CLASP1: variants seen among roughly 807,000 people sequenced by gnomAD.
CLASP1 encodes cytoplasmic linker associated protein 1, also known as CLIP-associating protein 1.
CLASP1 carries 38 observed loss-of-function variants against 192.3 expected under a neutral mutation model. That is an observed-to-expected ratio of 0.20 (90% CI 0.15 to 0.26). The LOEUF (loss-of-function observed/expected upper bound fraction) is 0.26. Ranked by LOEUF, CLASP1 falls within the 10% of genes least tolerant of loss-of-function variation. The pLI is 1.00. For synonymous variants in CLASP1, 691 were observed against 712.8 expected, an observed-to-expected ratio of 0.97 and a Z score of 0.49; for missense variants, 1,433 against 1,932.5, an observed-to-expected ratio of 0.74 and a Z score of 4.85.
chr2:121,382,223 C>T (rs1268867723), exon 33 of CLASP1: 15 of 1,607,770 alleles, frequency 9.3e-6, no homozygotes, highest in Admixed American at 1.7e-5. Flanking sequence ...AGAGTAAGAG[C>T]GCCTGAGAGC....
intron 1 of CLASP1, among the ~76,000 whole-genome samples, chr2:121,620,059 T>C (rs1576520236): frequency 6.6e-6 from 1 of 151,782 alleles, no homozygotes; most frequent in Non-Finnish European, 1.5e-5. Flanking sequence ...CCATCTCTAC[T>C]AAAAATATGA....
At chr2:121,348,603 G>A in exon 38 of CLASP1, 1 of 1,613,928 alleles carries the variant, frequency 6.2e-7, no homozygotes, top group Non-Finnish European at 8.5e-7. Flanking sequence ...CTTGATGGCA[G>A]CAAGGTTGAT....
intron 1 of CLASP1, among the ~76,000 whole-genome samples, chr2:121,648,988 C>CT (rs1440126753): frequency 6.6e-6 from 1 of 152,216 alleles, no homozygotes; most frequent in Non-Finnish European, 1.5e-5. Context: ...CCCTCGCCCC[C>CT]TCCCTTCCTT....
chr2:121,354,270 C>T lies in CLASP1; in HGVS notation c.4207-5552G>A, dbSNP rs567286967. On this transcript the variant is annotated intron_variant, in intron 37 of 39. Coordinates refer to ENST00000263710, the Ensembl canonical transcript of CLASP1. ...CCAGAGAGTCCCATTCCAGGTGACA[C>T]ACTGGAAAAGCAACAGACTAGTTCT... Among the ~76,000 whole-genome samples, 338 of 152,310 alleles carry T rather than the reference C, an allele frequency of 2.2e-3. 1 individual carries two copies. The highest frequency in any genetic ancestry group is 6.6e-3 in the African/African-American group (275 of 41,562).
At chr2:121,539,306 G>A (rs2095173929) in intron 2 of CLASP1, among the ~76,000 whole-genome samples, 1 of 152,130 alleles carries the variant, frequency 6.6e-6, no homozygotes, top group Admixed American at 6.6e-5. Flanking sequence ...ATCAGTTGAT[G>A]GACAGACACA....
chr2:121,343,153 A>G (rs944833007), intron 39 of CLASP1, among the ~76,000 whole-genome samples: 1 of 152,210 alleles, frequency 6.6e-6, no homozygotes, highest in African/African-American at 2.4e-5. Flanking sequence ...TTTTCAACAA[A>G]TGAGATACCC....
At chr2:121,645,960 C>T (rs1171599902) in intron 1 of CLASP1, among the ~76,000 whole-genome samples, 2 of 152,188 alleles carry the variant, frequency 1.3e-5, no homozygotes, top group Admixed American at 1.3e-4. Context: ...TTTAGTCAAA[C>T]ACATATACCC....
At chr2:121,469,853 T>C (rs1285312300) in exon 9 of CLASP1, 2 of 1,613,586 alleles carry the variant, frequency 1.2e-6, no homozygotes, top group Non-Finnish European at 1.7e-6. Context: ...CGGCGGGTGG[T>C]TCCCATTCCA....
intron 25 of CLASP1, among the ~76,000 whole-genome samples, chr2:121,406,957 C>T (rs1012517016): frequency 3.9e-5 from 6 of 152,138 alleles, no homozygotes; most frequent in Admixed American, 3.3e-4. Context: ...GTGGCTCATG[C>T]CTGTAAGCCC....
chr2:121,591,553 T>C (rs2062406823), intron 2 of CLASP1, among the ~76,000 whole-genome samples: 1 of 152,198 alleles, frequency 6.6e-6, no homozygotes, highest in Non-Finnish European at 1.5e-5. Flanking sequence ...ATTCCTATAC[T>C]ACAGTGCTGC....
intron 22 of CLASP1, 99 bp downstream of exon 22, chr2:121,425,040 A>C (rs1048129375): frequency 8.0e-7 from 1 of 1,248,566 alleles, no homozygotes; most frequent in Non-Finnish European, 1.1e-6. Flanking sequence ...CAGTTCAAAA[A>C]ATAGATCTAT....
At chr2:121,631,158 C>CA (rs869087192) in intron 1 of CLASP1, among the ~76,000 whole-genome samples, 39,699 of 65,178 alleles carry the variant, frequency 0.61, 15,063 homozygotes, top group Middle Eastern at 0.83. Flanking sequence ...GACTCCAGCT[C>CA]AAAAAAAAAA....
intron 37 of CLASP1, among the ~76,000 whole-genome samples, chr2:121,353,400 G>T (rs933887375): frequency 5.3e-5 from 8 of 152,170 alleles, no homozygotes; most frequent in African/African-American, 1.9e-4. Flanking sequence ...CTGGGGTCCA[G>T]TGCCAACATC....
intron 2 of CLASP1, among the ~76,000 whole-genome samples, chr2:121,545,831 G>A (rs954189794): frequency 2.0e-5 from 3 of 151,362 alleles, no homozygotes; most frequent in African/African-American, 7.3e-5. Context: ...GACTCATCTT[G>A]ATATCAGAGA....
intron 2 of CLASP1, among the ~76,000 whole-genome samples, chr2:121,586,396 G>A (rs1335954995): frequency 6.6e-6 from 1 of 151,994 alleles, no homozygotes; most frequent in African/African-American, 2.4e-5. Flanking sequence ...CAAAGTGCTG[G>A]GATTACAGGA....
At chr2:121,342,020 G>GA (rs368277937) in intron 39 of CLASP1, among the ~76,000 whole-genome samples, 1 of 148,304 alleles carries the variant, frequency 6.7e-6, no homozygotes, top group Admixed American at 6.7e-5. Context: ...GAAGGAAAAC[G>GA]AAAAAAAATC....
chr2:121,538,520 G>T (rs182805622), intron 2 of CLASP1, among the ~76,000 whole-genome samples: 3 of 152,124 alleles, frequency 2.0e-5, no homozygotes, highest in African/African-American at 7.2e-5. Flanking sequence ...AGGCATGGTG[G>T]CTCATGCCTG....
intron 2 of CLASP1, among the ~76,000 whole-genome samples, chr2:121,554,063 A>C (rs1274964800): frequency 6.6e-6 from 1 of 151,792 alleles, no homozygotes; most frequent in Non-Finnish European, 1.5e-5. Context: ...AAAAAAAAAA[A>C]AACTTAGATG....
intron 30 of CLASP1, among the ~76,000 whole-genome samples, chr2:121,394,483 GA>G (rs2149422364): frequency 6.6e-6 from 1 of 152,302 alleles, no homozygotes; most frequent in South Asian, 2.1e-4. Flanking sequence ...TAATCTTATT[GA>G]GGAACTTGTG....
Sources: gnomAD v4.1 joint callset for allele counts (sites outside exome capture counted in the v4.1 genomes callset) on GRCh38, gnomAD v4.1.1 for gene constraint, MANE v1.5 for transcripts, NCBI Gene and HGNC (gene_info 2026-07-23, HGNC 2026-07-21) for gene names.